The following PAFAH1B1 variants were observed in gnomAD, a reference collection of about 807,000 sequenced individuals.
The protein encoded by PAFAH1B1 is platelet activating factor acetylhydrolase 1b regulatory subunit 1.
In PAFAH1B1, 2 loss-of-function variants were observed where a neutral mutation model predicts 57.5. The ratio of observed to expected loss-of-function variants is 0.03; its 90% CI spans 0.01 to 0.11. The LOEUF (loss-of-function observed/expected upper bound fraction) is 0.11, where lower values mean the gene tolerates loss of function less well. Among genes scored for constraint, PAFAH1B1 ranks in the 10% least tolerant of loss-of-function variants. PAFAH1B1 has a pLI of 1.00. For missense variants in PAFAH1B1, 257 were observed against 512.0 expected (o/e 0.50, Z 4.81); for synonymous variants, 152 against 169.6 (o/e 0.90, Z 0.81).
chr17:2,609,277 T>A (rs950217152), intron 1 of PAFAH1B1, among the ~76,000 whole-genome samples: 3 of 152,098 alleles, frequency 2.0e-5, no homozygotes, highest in African/African-American at 7.2e-5. Flanking sequence ...GCCAAAGTTG[T>A]GGGATTGCAG....
At chr17:2,638,530 A>G in intron 2 of PAFAH1B1, 3 of 520,206 alleles carry the variant, frequency 5.8e-6, no homozygotes, top group Non-Finnish European at 6.8e-6. Flanking sequence ...TCTGAGAAGG[A>G]GTTTTTCGCT....
chr17:2,649,718 A>T (rs2068823276), intron 2 of PAFAH1B1, among the ~76,000 whole-genome samples: 2 of 152,200 alleles, frequency 1.3e-5, no homozygotes, highest in Admixed American at 1.3e-4. Context: ...TCAAAATTCA[A>T]ACTAAATTTC....
At position 2,621,770 on chromosome 17, in the gene PAFAH1B1, C is replaced by T. The variant is rs139678977; in HGVS notation, c.-190-16329C>T. On this transcript the variant is annotated intron_variant, in intron 1 of 10. Coordinates refer to ENST00000397195, the MANE Select transcript of PAFAH1B1 (RefSeq NM_000430.4). ...CTGAGTAGCTGAGACTACAGGCGTG[C>T]GCCACTATGTCCAGCTGATTTTTGT... 5.7e-3 allele frequency among the ~76,000 whole-genome samples: 870 copies of T among 151,948 alleles called. 3 individuals carry two copies. Among genetic ancestry groups the T allele is most frequent in the Non-Finnish European group, 9.2e-3 (625 of 67,962 alleles).
intron 6 of PAFAH1B1, among the ~76,000 whole-genome samples, chr17:2,672,223 A>T (rs2069193578): frequency 6.8e-6 from 1 of 146,352 alleles, no homozygotes; most frequent in African/African-American, 2.5e-5. Flanking sequence ...GTTCAAGGCT[A>T]CAGTGAGCTA....
chr17:2,675,775 A>G (rs148357371), intron 8 of PAFAH1B1, among the ~76,000 whole-genome samples: 2,289 of 152,210 alleles, frequency 0.015, 60 homozygotes, highest in African/African-American at 0.053. Context: ...CAGGAGTTCA[A>G]AGCTGCAGTG....
chr17:2,654,848 C>T (rs1597557828), intron 2 of PAFAH1B1, among the ~76,000 whole-genome samples: 1 of 151,292 alleles, frequency 6.6e-6, no homozygotes, highest in Non-Finnish European at 1.5e-5. Flanking sequence ...TGCCATGTTG[C>T]CCAGGCTGGT....
intron 1 of PAFAH1B1, among the ~76,000 whole-genome samples, chr17:2,618,493 T>TTA (rs1472837518): frequency 6.6e-6 from 1 of 152,160 alleles, no homozygotes; most frequent in Non-Finnish European, 1.5e-5. Context: ...CGGAGTATTT[T>TTA]GTCCTTCTAT....
At chr17:2,637,595 G>GT (rs1468534241) in intron 1 of PAFAH1B1, among the ~76,000 whole-genome samples, 1 of 152,060 alleles carries the variant, frequency 6.6e-6, no homozygotes, top group Admixed American at 6.6e-5. Flanking sequence ...AATAAAAAGC[G>GT]TAAGATTGCT....
intron 10 of PAFAH1B1, 56 bp downstream of exon 10, chr17:2,680,376 G>A: frequency 1.3e-6 from 2 of 1,481,542 alleles, no homozygotes; most frequent in Non-Finnish European, 9.4e-7. Flanking sequence ...CAGACAAACT[G>A]TGTTTTACAT....
chr17:2,603,005 A>T (rs2068162791), intron 1 of PAFAH1B1, among the ~76,000 whole-genome samples: 1 of 152,134 alleles, frequency 6.6e-6, no homozygotes, highest in Non-Finnish European at 1.5e-5. Context: ...TTCAAGTTTC[A>T]TTTCTAATCA....
intron 1 of PAFAH1B1, among the ~76,000 whole-genome samples, chr17:2,600,568 CA>C (rs559407199): frequency 3.4e-3 from 262 of 77,644 alleles, no homozygotes; most frequent in African/African-American, 7.7e-3. Context: ...GAAACTATCT[CA>C]AAAAAAAAAA....
intron 1 of PAFAH1B1, chr17:2,613,859 A>G: frequency 1.2e-5 from 3 of 244,700 alleles, no homozygotes; most frequent in Non-Finnish European, 8.1e-6. Flanking sequence ...GATCTGGCAC[A>G]GAGGTGAGGG....
rs1449829976 is a variant in PAFAH1B1, at chr17:2,682,130, G to A, written c.*328G>A. The A allele has an allele frequency of 4.2e-6, 1 of 236,960 alleles. No individual in the cohort carries two copies. The highest frequency in any genetic ancestry group is 8.2e-6 in the Non-Finnish European group (1 of 121,734). 14.7% of individuals were successfully genotyped at this position (236,960 alleles called of 1,614,324 possible). ...TAGTTGACAGTGTCATTTTATGTTG[G>A]ATTATTAATTCCTGTTTTTCTTTCT... On this transcript the variant is annotated 3_prime_UTR_variant, in exon 11 of 11. Transcript: ENST00000397195.
chr17:2,598,252 AAAAT>A (rs886201803), intron 1 of PAFAH1B1, among the ~76,000 whole-genome samples: 4 of 152,142 alleles, frequency 2.6e-5, no homozygotes, highest in South Asian at 4.1e-4. Flanking sequence ...TCCATCTCAA[AAAAT>A]AAATAAATAA....
chr17:2,659,520 C>CAAAAA lies in PAFAH1B1; in HGVS notation c.33-5835_33-5831dup, dbSNP rs1162326785. 3.7e-3 allele frequency: 157 copies of CAAAAA among 42,880 alleles called. 2 individuals are homozygous for CAAAAA. The highest frequency in any genetic ancestry group is 0.013 in the African/African-American group (132 of 10,022). 2.7% of individuals were successfully genotyped at this position (42,880 alleles called of 1,614,324 possible). A position where few individuals can be genotyped will look rare whatever the true frequency, so the allele number is the denominator to read the frequency against. ...TGGCGACAGAGTGAGACTGCCTCGC[C>CAAAAA]AAAAAAAAAAAAAAAAAAAAAGGAA... On this transcript the variant is annotated intron_variant, in intron 2 of 10. Coordinates refer to ENST00000397195, the MANE Select transcript of PAFAH1B1 (RefSeq NM_000430.4).
chr17:2,665,890 A>G (rs1260520675), intron 3 of PAFAH1B1, 126 bp from the exon 4 acceptor site: 7 of 1,018,122 alleles, frequency 6.9e-6, no homozygotes, highest in African/African-American at 4.9e-5. Flanking sequence ...GTGAGCCACC[A>G]TGCCCAGCCA....
At chr17:2,644,977 T>C (rs1325375311) in intron 2 of PAFAH1B1, among the ~76,000 whole-genome samples, 1 of 152,182 alleles carries the variant, frequency 6.6e-6, no homozygotes, top group Non-Finnish European at 1.5e-5. Flanking sequence ...CCAGGTGTGG[T>C]GACTCACACC....
chr17:2,594,497 G>T (rs2068062661), intron 1 of PAFAH1B1, among the ~76,000 whole-genome samples: 1 of 152,088 alleles, frequency 6.6e-6, no homozygotes, highest in African/African-American at 2.4e-5. Flanking sequence ...CTCGGGGACC[G>T]GCTCAGCCCC....
At chr17:2,675,185 T>TAA (rs1189398626) in intron 8 of PAFAH1B1, among the ~76,000 whole-genome samples, 4 of 152,108 alleles carry the variant, frequency 2.6e-5, no homozygotes, top group African/African-American at 9.7e-5. Flanking sequence ...ATATTTTTAG[T>TAA]AGAAACAAGG....
Sources: gnomAD v4.1 joint callset for allele counts (sites outside exome capture counted in the v4.1 genomes callset) on GRCh38, gnomAD v4.1.1 for gene constraint, MANE v1.5 for transcripts, NCBI Gene and HGNC (gene_info 2026-07-23, HGNC 2026-07-21) for gene names.